CNTN5: variants seen among roughly 807,000 people sequenced by gnomAD.
CNTN5 encodes contactin 5.
Under a neutral mutation model 129.1 loss-of-function variants are expected in CNTN5, and 77 were observed. The observed-to-expected ratio is 0.60, with a 90% CI of 0.50 to 0.72. CNTN5 has a LOEUF of 0.72. Among genes scored for constraint, CNTN5 ranks in the 30% least tolerant of loss-of-function variants. CNTN5 has a pLI of 0.00. For missense variants in CNTN5, 1,478 were observed against 1,328.8 expected (o/e 1.11, Z -1.75); for synonymous variants, 509 against 465.6 (o/e 1.09, Z -1.20).
chr11:99,884,926 G>C (rs886777666), intron 6 of CNTN5, among the ~76,000 whole-genome samples: 1 of 152,066 alleles, frequency 6.6e-6, no homozygotes, highest in Non-Finnish European at 1.5e-5. Flanking sequence ...GCAGTCAGCC[G>C]ATGTAGTACC....
At chr11:99,537,321 C>T (rs1947937997) in intron 2 of CNTN5, among the ~76,000 whole-genome samples, 1 of 152,122 alleles carries the variant, frequency 6.6e-6, no homozygotes, top group South Asian at 2.1e-4. Flanking sequence ...AATAAATCGT[C>T]TTAATGAGGT....
At chr11:99,094,543 C>T (rs1866389691) in intron 1 of CNTN5, among the ~76,000 whole-genome samples, 1 of 151,960 alleles carries the variant, frequency 6.6e-6, no homozygotes, top group Non-Finnish European at 1.5e-5. Flanking sequence ...ATGGAAACGT[C>T]TCGTAATATC....
intron 1 of CNTN5, among the ~76,000 whole-genome samples, chr11:99,156,305 A>C (rs190966250): frequency 5.9e-5 from 9 of 152,166 alleles, no homozygotes; most frequent in Admixed American, 5.9e-4. Context: ...TAGATTTTTA[A>C]ACTCATTAGT....
intron 1 of CNTN5, among the ~76,000 whole-genome samples, chr11:99,241,516 C>T (rs983909311): frequency 2.8e-4 from 42 of 151,942 alleles, no homozygotes; most frequent in African/African-American, 9.9e-4. Context: ...CTAATTAACA[C>T]TTTACTCTCA....
At chr11:99,707,901 A>G (rs1028962596) in intron 3 of CNTN5, among the ~76,000 whole-genome samples, 1 of 151,572 alleles carries the variant, frequency 6.6e-6, no homozygotes, top group Non-Finnish European at 1.5e-5. Flanking sequence ...ATCATTATTA[A>G]TAGAATAATA....
At chr11:100,271,587 CTTCT>C (rs1265765162) in intron 18 of CNTN5, among the ~76,000 whole-genome samples, 4 of 142,064 alleles carry the variant, frequency 2.8e-5, no homozygotes, top group Admixed American at 7.6e-5. Flanking sequence ...ATCGGTTCAC[CTTCT>C]TTTTTTCCAG....
rs529787871 is a variant in CNTN5 at position 99,959,956 on chromosome 11, T to A, written c.877+2947T>A. Among the ~76,000 whole-genome samples, 8 of 152,166 alleles carry A rather than the reference T, an allele frequency of 5.3e-5. No homozygotes were observed. In the East Asian group the frequency reaches 1.5e-3, roughly 29 times the overall value. On this transcript the variant is annotated intron_variant, in intron 8 of 24. Transcript: ENST00000524871. Reference sequence around the variant, plus strand: ...TTTTTTTAAATCCACATTGAATGAATGTAGTGACATAGAAAAACAAAACAA... The same window carrying A: ...TTTTTTTAAATCCACATTGAATGAAAGTAGTGACATAGAAAAACAAAACAA...
intron 2 of CNTN5, among the ~76,000 whole-genome samples, chr11:99,542,790 C>T (rs1000438151): frequency 2.6e-5 from 4 of 152,218 alleles, no homozygotes; most frequent in Non-Finnish European, 2.9e-5. Context: ...TACCACCACC[C>T]TGCTCAGTCA....
chr11:99,649,070 A>C (rs565266513), intron 3 of CNTN5, among the ~76,000 whole-genome samples: 1 of 151,872 alleles, frequency 6.6e-6, no homozygotes, highest in South Asian at 2.1e-4. Flanking sequence ...CCAATAAACA[A>C]AAAATGATAA....
chr11:100,119,381 T>G (rs1330572913), intron 13 of CNTN5, among the ~76,000 whole-genome samples: 1 of 151,916 alleles, frequency 6.6e-6, no homozygotes, highest in African/African-American at 2.4e-5. Flanking sequence ...CTTGTTGCTA[T>G]TTGGTGATTG....
chr11:100,299,632 A>T (rs1306122810), intron 20 of CNTN5, among the ~76,000 whole-genome samples: 3 of 151,456 alleles, frequency 2.0e-5, no homozygotes, highest in Non-Finnish European at 4.4e-5. Context: ...TATGGCAAAC[A>T]TATATCCATG....
chr11:99,782,572 A>G (rs1241331120), intron 3 of CNTN5, among the ~76,000 whole-genome samples: 1 of 151,940 alleles, frequency 6.6e-6, no homozygotes, highest in Non-Finnish European at 1.5e-5. Context: ...ACCTGACTTC[A>G]AACTATACTG....
At chr11:99,090,271 T>C (rs77563952) in intron 1 of CNTN5, among the ~76,000 whole-genome samples, 3,178 of 152,300 alleles carry the variant, frequency 0.021, 48 homozygotes, top group Middle Eastern at 0.051. Context: ...GGATGTCTTA[T>C]TACAAAGTAA....
intron 3 of CNTN5, among the ~76,000 whole-genome samples, chr11:99,714,675 G>A (rs1049426714): frequency 2.0e-5 from 3 of 151,926 alleles, no homozygotes; most frequent in East Asian, 3.9e-4. Context: ...ATAGCCTAAG[G>A]TCACACCAAG....
chr11:100,042,515 G>A (rs1391093148), intron 9 of CNTN5, among the ~76,000 whole-genome samples: 1 of 152,144 alleles, frequency 6.6e-6, no homozygotes, highest in East Asian at 1.9e-4. Context: ...TGTGAATAGT[G>A]ATTTGCAGTT....
chr11:99,571,592 GA>G (rs1949176250), intron 3 of CNTN5, among the ~76,000 whole-genome samples: 1 of 152,078 alleles, frequency 6.6e-6, no homozygotes, highest in South Asian at 2.1e-4. Flanking sequence ...CAAAACTCAG[GA>G]AGCACATCTT....
At chr11:100,309,194 AG>A in intron 21 of CNTN5, 1 of 985,060 alleles carries the variant, frequency 1.0e-6, no homozygotes. Flanking sequence ...ATCTGACCCA[AG>A]ACTTTAGTTG....
chr11:99,886,637 C>T lies in CNTN5; in HGVS notation c.578-29417C>T, dbSNP rs972881819. 5.9e-5 allele frequency among the ~76,000 whole-genome samples: 9 copies of T among 152,186 alleles called. No homozygotes were observed. The East Asian group carries it at 7.7e-4, about 13-fold the overall frequency. ...TATAAAAGACTGTTCTTAGCAGGAT[C>T]GGTTGTCTTAACAAAAATACTAGTA... On this transcript the variant is annotated intron_variant, in intron 6 of 24. Coordinates refer to ENST00000524871, the MANE Select transcript of CNTN5 (RefSeq NM_014361.4).
At chr11:100,340,719 G>A (rs974046020) in intron 22 of CNTN5, 70 bp downstream of exon 22, 19 of 1,339,758 alleles carry the variant, frequency 1.4e-5, no homozygotes, top group Admixed American at 2.6e-5. Context: ...TCAAAGCCAC[G>A]TGAGGTGCAT....
Sources: gnomAD v4.1 joint callset for allele counts (sites outside exome capture counted in the v4.1 genomes callset) on GRCh38, gnomAD v4.1.1 for gene constraint, MANE v1.5 for transcripts, NCBI Gene and HGNC (gene_info 2026-07-23, HGNC 2026-07-21) for gene names.